The following OFD1 variants were observed in gnomAD, a reference collection of about 807,000 sequenced individuals.
OFD1 encodes centriole and centriolar satellite protein OFD1.
A neutral mutation model predicts 81.4 loss-of-function variants in OFD1; 12 were observed. That is an observed-to-expected ratio of 0.15 (90% confidence interval 0.09 to 0.24). OFD1 has a LOEUF of 0.24. Ranked by LOEUF, OFD1 falls within the 10% of genes least tolerant of loss-of-function variation. The pLI is 1.00. For synonymous variants in OFD1, 256 were observed against 263.7 expected (o/e 0.97, Z 0.28); for missense variants, 685 against 733.9 (o/e 0.93, Z 0.77).
At chrX:13,721,889 G>C in the OFD1 span, 1 of 110,748 alleles carries the variant, frequency 9.0e-6, no homozygotes, top group East Asian at 2.8e-4. Context: ...AAGCACCTGT[G>C]ACACAGACCA....
chrX:13,770,666 G>C (rs1319491842), downstream of OFD1, among the ~76,000 whole-genome samples: 1 of 112,219 alleles, frequency 8.9e-6, no homozygotes, highest in East Asian at 2.8e-4. Flanking sequence ...CCTATAGGTA[G>C]ATGGCATTTA....
intron 5 of OFD1, 186 bp downstream of exon 5, chrX:13,739,218 T>C (rs2046991385): frequency 4.6e-6 from 2 of 431,544 alleles, no homozygotes; most frequent in Admixed American, 4.2e-5. Context: ...TTAAAAAAAC[T>C]GTAGACAGTA....
At chrX:13,764,667 C>T (rs952799245) in intron 19 of OFD1, among the ~76,000 whole-genome samples, 2 of 112,399 alleles carry the variant, frequency 1.8e-5, no homozygotes, top group Non-Finnish European at 3.8e-5. Context: ...ACCCAAAACC[C>T]CTGTTAGCAG....
chrX:13,747,353 T>G lies in OFD1; in HGVS notation c.828+400T>G, dbSNP rs1235935886. 2.7e-5 allele frequency among the ~76,000 whole-genome samples: 3 copies of G among 111,157 alleles called. No homozygotes were observed. The South Asian group carries it at 1.1e-3, about 42-fold the overall frequency. On this transcript the variant is annotated intron_variant, in intron 8 of 22. Transcript: ENST00000340096. The stretch of plus-strand genomic sequence containing the variant: ...CCTGTATTGAGGGCTCAGCTGTGGT[T>G]GGGGGAGCCTGGAATTGAGAGAGGT...
Position 13,769,082 on chromosome X carries a change from C to T in OFD1, c.3013C>T (p.His1005Tyr). Residue 1005 changes from histidine (H) to tyrosine (Y), a missense_variant, in exon 23 of 23, where the codon CAT becomes TAT. His to Tyr is a moderately conservative substitution (Grantham distance 83). This residue lies in a region of OFD1 where 259 missense variants were observed against 254.4 expected (regional missense o/e 1.02). Transcript: ENST00000340096. ...CTAATTTAGTTTAACAGGCTTTTCT[C>T]ATGAAGAACTAGACGACTCTTGGTA... ...DKVESLTGFSHEELDDSW is the reference protein window; with the variant it reads ...DKVESLTGFSYEELDDSW 8.4e-7 allele frequency: 1 copy of T among 1,194,575 alleles called. No homozygotes were observed. The highest frequency in any genetic ancestry group is 2.3e-4 in the Middle Eastern group (1 of 4,308).
At chrX:13,730,849 T>C (rs2046659802), upstream of OFD1, among the ~76,000 whole-genome samples, 1 of 100,436 alleles carries the variant, frequency 1.0e-5, no homozygotes, top group East Asian at 3.1e-4. Context: ...TTCTCACTCA[T>C]AGGTGGGAAT....
intron 9 of OFD1, among the ~76,000 whole-genome samples, chrX:13,750,300 C>A (rs1477705149): frequency 1.8e-5 from 2 of 111,851 alleles, no homozygotes; most frequent in East Asian, 5.6e-4. Context: ...CATTCCTTTA[C>A]CTCCATTTTC....
rs761622748 is a variant in OFD1 at position 13,735,241 on chromosome X, C to T, written c.13-7C>T. On this transcript the variant is annotated splice_region_variant and splice_polypyrimidine_tract_variant and intron_variant, in intron 1 of 22. Transcript: ENST00000340096. ...CGCAGGTAACCTATAACCATTTTGTCTTTTAGTCCAACATGTTTACCGTGG... is the reference window on the plus strand; with the variant it reads ...CGCAGGTAACCTATAACCATTTTGTTTTTTAGTCCAACATGTTTACCGTGG... 8.3e-7 allele frequency: 1 copy of T among 1,208,160 alleles called. No individual in the cohort carries two copies.
At chrX:13,733,435 C>T (rs558272381), upstream of OFD1, among the ~76,000 whole-genome samples, 1 of 111,938 alleles carries the variant, frequency 8.9e-6, no homozygotes, top group African/African-American at 3.2e-5. Flanking sequence ...CTGGAATGTT[C>T]TCCTTTATTC....
chrX:13,744,556 G>C (rs1386651823), intron 6 of OFD1, 37 bp downstream of exon 6: 2 of 863,999 alleles, frequency 2.3e-6, no homozygotes, highest in South Asian at 4.0e-5. Flanking sequence ...CAGTTCTGCT[G>C]TTTTCATTTT....
At chrX:13,740,653 C>G (rs1396960547) in intron 5 of OFD1, among the ~76,000 whole-genome samples, 1 of 108,739 alleles carries the variant, frequency 9.2e-6, no homozygotes, top group African/African-American at 3.4e-5. Flanking sequence ...ATTAGCCAGG[C>G]GTGGTGGTGA....
chrX:13,714,616 A>C, the OFD1 span: 2 of 410,984 alleles, frequency 4.9e-6, no homozygotes, highest in South Asian at 1.4e-4. Context: ...CCAAAGTCTA[A>C]AGACCACATT....
chrX:13,744,367 GC>G, intron 5 of OFD1, 47 bp from the exon 6 acceptor site: 1 of 659,562 alleles, frequency 1.5e-6, no homozygotes, highest in Non-Finnish European at 2.5e-6. Flanking sequence ...CAGTGACTGA[GC>G]AGTGGTTGAA....
the OFD1 span, among the ~76,000 whole-genome samples, chrX:13,715,318 C>G: frequency 8.9e-6 from 1 of 112,265 alleles, no homozygotes; most frequent in Non-Finnish European, 1.9e-5. Context: ...ACTGAAAATA[C>G]AAAAATTAGC....
intron 17 of OFD1, among the ~76,000 whole-genome samples, 188 bp downstream of exon 17, chrX:13,761,399 A>G (rs200804794): frequency 9.0e-6 from 1 of 111,215 alleles, no homozygotes. Context: ...ACCTGGAGGG[A>G]AAAAGATTGC....
chrX:13,726,975 G>C, the OFD1 span, among the ~76,000 whole-genome samples: 1 of 111,713 alleles, frequency 9.0e-6, no homozygotes, highest in Non-Finnish European at 1.9e-5. Flanking sequence ...TGATAAAACA[G>C]ACTTTAAACC....
intron 6 of OFD1, 93 bp downstream of exon 6, chrX:13,744,612 T>C (rs978076394): frequency 3.3e-6 from 2 of 598,969 alleles, no homozygotes; most frequent in Admixed American, 2.5e-5. Flanking sequence ...GATTGCTCCT[T>C]GAACTGGAGG....
rs768839268 is a variant in OFD1, at chrX:13,753,110, TAACCTTATGATAA to T, written c.1056-257_1056-245del. ...CTGAAAAGTGATTGCTTTCAGTAAG[TAACCTTATGATAA>T]CACGACGCTTCATTTTGTGTGATTG... On this transcript the variant is annotated intron_variant, in intron 10 of 22. Coordinates refer to ENST00000340096, the MANE Select transcript of OFD1 (RefSeq NM_003611.3). 1.1e-4 allele frequency: 106 copies of T among 980,428 alleles called. No homozygotes were observed. The African/African-American group carries it at 2.0e-3, about 18-fold the overall frequency. The allele number at this position is 980,428 out of a possible 1,213,427, so 80.8% of individuals were successfully genotyped here. A position where few individuals can be genotyped will look rare whatever the true frequency, so the allele number is the denominator to read the frequency against.
downstream of OFD1, chrX:13,771,346 T>C (rs1006919292): frequency 3.6e-5 from 4 of 109,851 alleles, no homozygotes; most frequent in East Asian, 1.1e-3. Flanking sequence ...CTAAGCTATT[T>C]TGGAACAACT....
Sources: allele counts gnomAD v4.1 joint callset (sites outside exome capture counted in the v4.1 genomes callset), GRCh38; gene constraint gnomAD v4.1.1; regional missense constraint gnomAD v4.1.1; transcripts MANE v1.5; gene names NCBI Gene and HGNC (gene_info 2026-07-23, HGNC 2026-07-21).